The following MTCL1 variants were observed in gnomAD, a reference collection of about 807,000 sequenced individuals.
MTCL1 encodes microtubule crosslinking factor 1.
MTCL1 carries 79 observed loss-of-function variants against 141.4 expected under a neutral mutation model. That is an observed-to-expected ratio of 0.56 (90% CI 0.47 to 0.67). The LOEUF (loss-of-function observed/expected upper bound fraction) is 0.67. Among genes scored for constraint, MTCL1 ranks in the 30% least tolerant of loss-of-function variants. MTCL1 has a pLI of 0.00. For synonymous variants in MTCL1, 914 were observed against 875.8 expected (o/e 1.04, Z -0.77); for missense variants, 2,177 against 2,113.9 (o/e 1.03, Z -0.59).
intron 4 of MTCL1, among the ~76,000 whole-genome samples, chr18:8,769,336 G>A (rs1598574512): frequency 1.3e-5 from 2 of 152,272 alleles, no homozygotes; most frequent in East Asian, 3.9e-4. Flanking sequence ...TTTTGGTGCA[G>A]TCATCATTAT....
intron 4 of MTCL1, among the ~76,000 whole-genome samples, chr18:8,736,442 C>T (rs968978000): frequency 6.6e-6 from 1 of 152,116 alleles, no homozygotes; most frequent in African/African-American, 2.4e-5. Context: ...CATTAGCCTA[C>T]AGTTGGGCAA....
chr18:8,754,362 C>T (rs996756328), intron 4 of MTCL1, among the ~76,000 whole-genome samples: 14 of 152,202 alleles, frequency 9.2e-5, no homozygotes, highest in East Asian at 5.8e-4. Context: ...TGAGCCACCG[C>T]GCCTGGCCTC....
rs539957104 is a variant in MTCL1 at position 8,725,909 on chromosome 18, C to T, written c.357+5413C>T. ...GGTTCACGCCATTCTCCTGCCTCAG[C>T]CTCCGGAGCAGCTGGGACTACAGGC... On this transcript the variant is annotated intron_variant, in intron 4 of 16. Transcript: ENST00000359865. Among the ~76,000 whole-genome samples, 560 of 151,276 alleles carry T rather than the reference C, an allele frequency of 3.7e-3. 4 individuals are homozygous for T. The highest frequency in any genetic ancestry group is 0.013 in the African/African-American group (538 of 41,250).
At chr18:8,817,520 C>T (rs546195081) in intron 12 of MTCL1, among the ~76,000 whole-genome samples, 5 of 152,072 alleles carry the variant, frequency 3.3e-5, no homozygotes, top group Non-Finnish European at 7.4e-5. Context: ...AATGAGCAAA[C>T]GTCCTTTTGT....
chr18:8,825,740 G>C (rs774038510), exon 15 of MTCL1: 4 of 1,614,172 alleles, frequency 2.5e-6, no homozygotes, highest in Non-Finnish European at 3.4e-6. Flanking sequence ...ATAACAGGAC[G>C]TCACCAGGGA....
upstream of MTCL1, among the ~76,000 whole-genome samples, chr18:8,715,744 G>C (rs1026580545): frequency 2.0e-5 from 3 of 152,172 alleles, no homozygotes; most frequent in African/African-American, 7.2e-5. Flanking sequence ...CAACCACAAG[G>C]CTCATTTTAA....
intron 1 of MTCL1, among the ~76,000 whole-genome samples, chr18:8,707,914 CAACT>C (rs2096066795): frequency 6.6e-6 from 1 of 152,288 alleles, no homozygotes; most frequent in South Asian, 2.1e-4. Context: ...CTGCTCCAAC[CAACT>C]GAGCCTTGTG....
intron 7 of MTCL1, chr18:8,787,260 T>G (rs1487545726): frequency 6.6e-6 from 1 of 152,322 alleles, no homozygotes. Context: ...CAGAGTGAGC[T>G]GGTGCCATGT....
intron 4 of MTCL1, among the ~76,000 whole-genome samples, chr18:8,740,420 C>T (rs890694316): frequency 3.9e-5 from 6 of 152,170 alleles, no homozygotes; most frequent in Non-Finnish European, 8.8e-5. Flanking sequence ...TTTTATCACC[C>T]TCATGGGACA....
intron 4 of MTCL1, among the ~76,000 whole-genome samples, chr18:8,743,961 G>A (rs2096319996): frequency 6.6e-6 from 1 of 152,236 alleles, no homozygotes. Flanking sequence ...TTGCATAGTT[G>A]AGAAACTGAG....
chr18:8,721,089 A>G (rs58540765), intron 4 of MTCL1, among the ~76,000 whole-genome samples: 3 of 152,258 alleles, frequency 2.0e-5, no homozygotes, highest in East Asian at 3.9e-4. Context: ...ATGAATATAT[A>G]TTTTTTTCAT....
At chr18:8,758,923 C>T (rs2096416141) in intron 4 of MTCL1, among the ~76,000 whole-genome samples, 1 of 152,236 alleles carries the variant, frequency 6.6e-6, no homozygotes, top group Admixed American at 6.5e-5. Flanking sequence ...CTTTCCCCCT[C>T]CACTTACTGG....
rs190386817 is a variant in MTCL1, at chr18:8,799,148, C to T, written c.2436+857C>T. On this transcript the variant is annotated intron_variant, in intron 10 of 16. Coordinates refer to ENST00000359865, the Ensembl canonical transcript of MTCL1. The stretch of plus-strand genomic sequence containing the variant: ...ATGGGCGCGGCTCTAGCCTCTCAGC[C>T]ACAGACACTCTGGGGCACTCCCTCT... 4.7e-4 allele frequency among the ~76,000 whole-genome samples: 71 copies of T among 152,340 alleles called. 1 individual carries two copies. Among genetic ancestry groups the T allele is most frequent in the Admixed American group, 1.5e-3 (23 of 15,304 alleles).
In MTCL1 at chr18:8,777,826, A is replaced by G. The variant is rs558387649; in HGVS notation, c.358-7A>G. 7 of 1,613,814 alleles carry G rather than the reference A, an allele frequency of 4.3e-6. No homozygotes were observed. The highest frequency in any genetic ancestry group is 1.7e-5 in the Admixed American group (1 of 60,014). ...TGGTCACAGAATGTCACTTGGATCT[A>G]TTTCAGAGTTCCCTAAAAAGAAGAA... On this transcript the variant is annotated splice_region_variant and splice_polypyrimidine_tract_variant and intron_variant, in intron 4 of 16. Coordinates refer to ENST00000359865, the Ensembl canonical transcript of MTCL1.
intron 4 of MTCL1, among the ~76,000 whole-genome samples, chr18:8,759,024 G>A (rs571908436): frequency 4.8e-4 from 73 of 152,268 alleles, no homozygotes; most frequent in Non-Finnish European, 8.7e-4. Flanking sequence ...GACAGCAGGG[G>A]GTGTGGAGAG....
At chr18:8,730,453 A>G (rs139315553) in intron 4 of MTCL1, among the ~76,000 whole-genome samples, 96 of 152,334 alleles carry the variant, frequency 6.3e-4, no homozygotes, top group Middle Eastern at 6.8e-3. Context: ...CTGATTCTTT[A>G]TATCATTACC....
exon 15 of MTCL1, chr18:8,825,098 G>A (rs113084211): frequency 0.019 from 30,605 of 1,605,792 alleles, 375 homozygotes; most frequent in Non-Finnish European, 0.023. Flanking sequence ...TACACAGCCC[G>A]CCTGCCGTGC....
intron 4 of MTCL1, among the ~76,000 whole-genome samples, chr18:8,748,956 A>G (rs955766618): frequency 6.6e-6 from 1 of 152,224 alleles, no homozygotes; most frequent in Non-Finnish European, 1.5e-5. Flanking sequence ...GCACAAGGAC[A>G]GATGGGGTGT....
At chr18:8,718,017 C>G in intron 2 of MTCL1, 1 of 999,060 alleles carries the variant, frequency 1.0e-6, no homozygotes, top group Non-Finnish European at 1.2e-6. Flanking sequence ...AGTTTATGTT[C>G]TTTGAAGGCA....
Sources: allele counts gnomAD v4.1 joint callset (sites outside exome capture counted in the v4.1 genomes callset), GRCh38; gene constraint gnomAD v4.1.1; transcripts MANE v1.5; gene names NCBI Gene and HGNC (gene_info 2026-07-23, HGNC 2026-07-21).